Variants in ACSM2B observed in about 807,000 individuals in gnomAD.
ACSM2B encodes acyl-coenzyme A synthetase ACSM2B, mitochondrial.
A neutral mutation model predicts 78.6 loss-of-function variants in ACSM2B; 58 were observed. The observed-to-expected ratio is 0.74, with a 90% confidence interval of 0.60 to 0.92. ACSM2B has a LOEUF of 0.92. Ranked by LOEUF, ACSM2B falls within the 40% of genes least tolerant of loss-of-function variation. ACSM2B has a pLI of 0.00. For synonymous variants in ACSM2B, 257 were observed against 256.8 expected, an observed-to-expected ratio of 1.00 and a Z score of -0.01; for missense variants, 688 against 711.2, an observed-to-expected ratio of 0.97 and a Z score of 0.37.
intron 2 of ACSM2B, among the ~76,000 whole-genome samples, chr16:20,561,002 C>G (rs771249513): frequency 9.9e-5 from 15 of 152,024 alleles, no homozygotes; most frequent in South Asian, 4.2e-4. Context: ...GGGAATCTGA[C>G]AGAAGAAATT....
chr16:20,552,870 T>C (rs569191279), intron 5 of ACSM2B, among the ~76,000 whole-genome samples: 1 of 152,314 alleles, frequency 6.6e-6, no homozygotes, highest in East Asian at 1.9e-4. Context: ...GGAACTGCCA[T>C]AGTGTATCTT....
chr16:20,566,634 G>C (rs371498074), intron 1 of ACSM2B, among the ~76,000 whole-genome samples: 6,678 of 40,116 alleles, frequency 0.17, 1,284 homozygotes, highest in East Asian at 0.82. Flanking sequence ...ACTATATATA[G>C]TATATATATA....
At chr16:20,557,287 C>A (rs1335004874) in intron 3 of ACSM2B, among the ~76,000 whole-genome samples, 2 of 152,126 alleles carry the variant, frequency 1.3e-5, no homozygotes, top group African/African-American at 2.4e-5. Context: ...TCCTAACATA[C>A]CCATACCTCT....
chr16:20,559,477 G>T (rs1262824573), intron 2 of ACSM2B, 30 bp from the exon 3 acceptor site: 1 of 1,609,886 alleles, frequency 6.2e-7, no homozygotes, highest in East Asian at 2.2e-5. Flanking sequence ...GTTGATTAGG[G>T]GGCATTGGTA....
Position 20,568,971 on chromosome 16 carries a change from T to G in ACSM2B, c.-8-4118A>C, listed in dbSNP as rs556562721. Among the ~76,000 whole-genome samples, 164 of 152,074 alleles carry G rather than the reference T, an allele frequency of 1.1e-3. 2 individuals carry two copies. The highest frequency in any genetic ancestry group is 5.1e-3 in the Admixed American group (77 of 15,226). ...CTAGATTCTGAATATTAGTCCTTTG[T>G]CAGATGTATAGATTGTGAAGATTTT... On this transcript the variant is annotated intron_variant, in intron 1 of 13. Coordinates refer to ENST00000329697, the MANE Select transcript of ACSM2B (RefSeq NM_001105069.2).
At chr16:20,540,517 G>A (rs912373699) in intron 13 of ACSM2B, 137 bp downstream of exon 13, 19 of 1,432,040 alleles carry the variant, frequency 1.3e-5, no homozygotes, top group Non-Finnish European at 1.6e-5. Flanking sequence ...TGCTGGGATT[G>A]CAGGTGTCAG....
At chr16:20,561,421 CAA>C (rs1491416523) in intron 2 of ACSM2B, among the ~76,000 whole-genome samples, 1 of 151,262 alleles carries the variant, frequency 6.6e-6, no homozygotes, top group African/African-American at 2.4e-5. Flanking sequence ...AAAGCAGGAA[CAA>C]GAGAGAGAGC....
chr16:20,542,803 C>G, intron 12 of ACSM2B, 111 bp downstream of exon 12: 2 of 1,394,426 alleles, frequency 1.4e-6, no homozygotes, highest in South Asian at 2.7e-5. Context: ...GTGGCAGGGC[C>G]AAGATTGGGT....
chr16:20,548,795 C>G (rs989858656), intron 6 of ACSM2B, among the ~76,000 whole-genome samples: 17 of 152,118 alleles, frequency 1.1e-4, no homozygotes, highest in Non-Finnish European at 2.9e-5. Context: ...ATATCACCCC[C>G]CAGCAACCAA....
chr16:20,560,406 G>A (rs1362050432), intron 2 of ACSM2B, among the ~76,000 whole-genome samples: 3 of 151,942 alleles, frequency 2.0e-5, no homozygotes, highest in Admixed American at 6.5e-5. Flanking sequence ...AGATCTGGTT[G>A]TTTAAAAGTG....
At chr16:20,566,645 C>CTATATATACTATATATAGTATATA (rs375962180) in intron 1 of ACSM2B, among the ~76,000 whole-genome samples, 1 of 11,602 alleles carries the variant, frequency 8.6e-5, no homozygotes, top group African/African-American at 3.4e-4. Flanking sequence ...TATATATATA[C>CTATATATACTATATATAGTATATA]TATACTATAT....
intron 8 of ACSM2B, chr16:20,547,502 T>C: frequency 1.0e-6 from 1 of 976,168 alleles, no homozygotes; most frequent in Non-Finnish European, 1.2e-6. Flanking sequence ...TGGGGAAAAG[T>C]ATTCCCCATG....
chr16:20,559,485 G>C, intron 2 of ACSM2B, 38 bp from the exon 3 acceptor site: 1 of 1,604,324 alleles, frequency 6.2e-7, no homozygotes, highest in Non-Finnish European at 8.5e-7. Flanking sequence ...GGGGGCATTG[G>C]TACACAAGCA....
intron 2 of ACSM2B, among the ~76,000 whole-genome samples, chr16:20,562,287 C>G (rs545487159): frequency 6.6e-6 from 1 of 152,102 alleles, no homozygotes; most frequent in African/African-American, 2.4e-5. Context: ...ATAGACCCTT[C>G]GCATATCCCC....
At chr16:20,559,131 C>A in intron 3 of ACSM2B, 106 bp downstream of exon 3, 2 of 1,474,508 alleles carry the variant, frequency 1.4e-6, no homozygotes. Flanking sequence ...GAGAGGACAG[C>A]ATGCTCCAAG....
intron 6 of ACSM2B, among the ~76,000 whole-genome samples, chr16:20,550,431 C>A (rs2015275687): frequency 6.6e-6 from 1 of 152,070 alleles, no homozygotes; most frequent in African/African-American, 2.4e-5. Flanking sequence ...TAGTCTTTTC[C>A]ACCCTACACC....
intron 6 of ACSM2B, among the ~76,000 whole-genome samples, chr16:20,551,309 C>G (rs896971772): frequency 1.7e-4 from 26 of 152,002 alleles, no homozygotes; most frequent in Admixed American, 1.6e-3. Flanking sequence ...CCACCTAAAT[C>G]CCTATATTAA....
intron 9 of ACSM2B, among the ~76,000 whole-genome samples, chr16:20,545,951 G>C (rs1283681047): frequency 1.3e-5 from 2 of 152,082 alleles, no homozygotes; most frequent in Admixed American, 6.6e-5. Context: ...ATCATCCCTT[G>C]GTCCGATAAA....
chr16:20,564,434 G>A (rs1465734755), intron 2 of ACSM2B, among the ~76,000 whole-genome samples: 1 of 152,106 alleles, frequency 6.6e-6, no homozygotes, highest in Non-Finnish European at 1.5e-5. Context: ...AACAAACTGT[G>A]TGTTGGCTGC....
Sources: allele counts gnomAD v4.1 joint callset (sites outside exome capture counted in the v4.1 genomes callset), GRCh38; gene constraint gnomAD v4.1.1; transcripts MANE v1.5; gene names NCBI Gene and HGNC (gene_info 2026-07-23, HGNC 2026-07-21).